Variants in RBPJ observed in about 807,000 individuals in gnomAD.
The protein encoded by RBPJ is recombining binding protein suppressor of hairless.
In RBPJ, 9 loss-of-function variants were observed where a neutral mutation model predicts 67.8. The observed-to-expected ratio is 0.13, with a 90% confidence interval of 0.08 to 0.23. The LOEUF is 0.23. Among genes scored for constraint, RBPJ ranks in the 10% least tolerant of loss-of-function variants. The probability of loss-of-function intolerance (pLI) is 1.00; values close to 1 mark genes in which losing one functional copy is unlikely to be tolerated. For missense variants in RBPJ, 305 were observed against 595.6 expected (o/e 0.51, Z 5.08); for synonymous variants, 198 against 203.3 (o/e 0.97, Z 0.22).
chr4:26,109,473 TATATATATATATATATATAC>T, the RBPJ span, among the ~76,000 whole-genome samples: 1 of 43,936 alleles, frequency 2.3e-5, no homozygotes, highest in African/African-American at 1.3e-4. Context: ...TATATATATA[TATATATATATATATATATAC>T]ACACACACAT....
chr4:26,331,557 T>C (rs188854287), intron 1 of RBPJ, among the ~76,000 whole-genome samples: 10 of 152,322 alleles, frequency 6.6e-5, no homozygotes, highest in African/African-American at 2.2e-4. Context: ...CCAGTGTTGC[T>C]TCATTAAATG....
intron 1 of RBPJ, among the ~76,000 whole-genome samples, chr4:26,294,577 T>C (rs1469298651): frequency 1.3e-5 from 2 of 151,936 alleles, no homozygotes; most frequent in African/African-American, 4.8e-5. Context: ...AGAAGGAAGA[T>C]GGTCAAAATT....
chr4:26,207,321 A>G (rs970558383), intron 1 of RBPJ, among the ~76,000 whole-genome samples: 17 of 149,232 alleles, frequency 1.1e-4, no homozygotes, highest in Non-Finnish European at 3.0e-5. Flanking sequence ...CAAGTTGGAC[A>G]GTGTCTTTTG....
intron 1 of RBPJ, among the ~76,000 whole-genome samples, chr4:26,331,555 G>T (rs1304607474): frequency 1.3e-5 from 2 of 152,176 alleles, no homozygotes; most frequent in Non-Finnish European, 2.9e-5. Flanking sequence ...GGCCAGTGTT[G>T]CTTCATTAAA....
At chr4:26,202,665 G>A (rs183324197) in intron 1 of RBPJ, among the ~76,000 whole-genome samples, 102 of 151,956 alleles carry the variant, frequency 6.7e-4, no homozygotes, top group Admixed American at 3.1e-3. Flanking sequence ...CCAGCACTTT[G>A]GGGGGGCCAA....
At chr4:26,151,027 G>C in the RBPJ span, among the ~76,000 whole-genome samples, 2 of 152,178 alleles carry the variant, frequency 1.3e-5, no homozygotes, top group Non-Finnish European at 2.9e-5. Context: ...AAGATTTCCT[G>C]TAATGAAAGG....
intron 1 of RBPJ, among the ~76,000 whole-genome samples, chr4:26,356,882 T>C (rs1038179584): frequency 5.3e-5 from 8 of 152,252 alleles, no homozygotes; most frequent in Admixed American, 3.3e-4. Flanking sequence ...GTTGTTCTTA[T>C]GTTTCTTTTA....
At chr4:26,311,782 C>A (rs1229078067) in intron 1 of RBPJ, among the ~76,000 whole-genome samples, 1 of 152,148 alleles carries the variant, frequency 6.6e-6, no homozygotes, top group Admixed American at 6.5e-5. Context: ...AAGAATGATT[C>A]TCCCTGCATG....
At chr4:26,208,832 C>T (rs1265429498) in intron 1 of RBPJ, among the ~76,000 whole-genome samples, 13 of 152,148 alleles carry the variant, frequency 8.5e-5, no homozygotes, top group Non-Finnish European at 1.6e-4. Context: ...TTACAAGACA[C>T]TCAGTGACTG....
chr4:26,134,340 G>A, the RBPJ span, among the ~76,000 whole-genome samples: 3 of 152,120 alleles, frequency 2.0e-5, no homozygotes, highest in Non-Finnish European at 2.9e-5. Context: ...ATAATTTGCA[G>A]GAAGCTCTTG....
intron 1 of RBPJ, among the ~76,000 whole-genome samples, chr4:26,267,228 A>G (rs1485636155): frequency 6.6e-6 from 1 of 152,162 alleles, no homozygotes; most frequent in African/African-American, 2.4e-5. Context: ...TGTGTGCTCC[A>G]GAGTCTTAGA....
chr4:26,365,590 TAA>T (rs1313112355), intron 1 of RBPJ, among the ~76,000 whole-genome samples: 5 of 152,222 alleles, frequency 3.3e-5, no homozygotes, highest in African/African-American at 1.2e-4. Context: ...AAGATTGAAA[TAA>T]AATATATCCA....
the RBPJ span, among the ~76,000 whole-genome samples, chr4:26,129,322 C>T: frequency 6.6e-6 from 1 of 152,124 alleles, no homozygotes; most frequent in East Asian, 1.9e-4. Flanking sequence ...TATCTGTATC[C>T]AAAAATATGT....
chr4:26,125,369 A>G, the RBPJ span, among the ~76,000 whole-genome samples: 1 of 152,240 alleles, frequency 6.6e-6, no homozygotes, highest in Non-Finnish European at 1.5e-5. Flanking sequence ...ATTTTTCTAC[A>G]CTACTGACTG....
chr4:26,249,779 CT>C (rs572993839), intron 1 of RBPJ, among the ~76,000 whole-genome samples: 9,127 of 143,072 alleles, frequency 0.064, 356 homozygotes, highest in African/African-American at 0.11. Context: ...AGAACTTTCT[CT>C]TTTTTTTTTT....
Position 26,271,793 on chromosome 4 carries a change from A to G in RBPJ, c.-166-90653A>G, listed in dbSNP as rs548719664. Reference sequence around the variant, plus strand: ...CAGATTTATCAACTTTGAAAGACCCATGAGTCTTCAACATACAAACTATGA... The same window carrying G: ...CAGATTTATCAACTTTGAAAGACCCGTGAGTCTTCAACATACAAACTATGA... On this transcript the variant is annotated intron_variant, in intron 1 of 4. Coordinates refer to the RBPJ transcript ENST00000512351. Among the ~76,000 whole-genome samples, 93 of 152,320 alleles carry G rather than the reference A, an allele frequency of 6.1e-4. 1 individual carries two copies. Among genetic ancestry groups the G allele is most frequent in the African/African-American group, 2.2e-3 (90 of 41,568 alleles).
At chr4:26,160,048 A>G (rs904556101), upstream of RBPJ, among the ~76,000 whole-genome samples, 1 of 152,010 alleles carries the variant, frequency 6.6e-6, no homozygotes, top group African/African-American at 2.4e-5. Flanking sequence ...CCTCCTAAGT[A>G]GCTAGGACTA....
chr4:26,153,477 AT>A, the RBPJ span, among the ~76,000 whole-genome samples: 2 of 152,120 alleles, frequency 1.3e-5, no homozygotes, highest in African/African-American at 4.8e-5. Flanking sequence ...ACTGTATTCT[AT>A]TTTTTAGGTG....
At chr4:26,423,378 C>T (rs767298495) in intron 5 of RBPJ, among the ~76,000 whole-genome samples, 8 of 152,142 alleles carry the variant, frequency 5.3e-5, no homozygotes, top group African/African-American at 1.2e-4. Flanking sequence ...AGGATTCTTA[C>T]TATATATAAC....
Sources: gnomAD v4.1 joint callset for allele counts (sites outside exome capture counted in the v4.1 genomes callset) on GRCh38, gnomAD v4.1.1 for gene constraint, MANE v1.5 for transcripts, NCBI Gene and HGNC (gene_info 2026-07-23, HGNC 2026-07-21) for gene names.